The following CNTN3 variants were observed in gnomAD, a reference collection of about 807,000 sequenced individuals.
CNTN3 encodes contactin-3.
A neutral mutation model predicts 119.1 loss-of-function variants in CNTN3; 60 were observed. The ratio of observed to expected loss-of-function variants is 0.50; its 90% CI spans 0.41 to 0.62. The LOEUF (loss-of-function observed/expected upper bound fraction) is 0.62, where lower values mean the gene tolerates loss of function less well. Ranked by LOEUF, CNTN3 falls within the 20% of genes least tolerant of loss-of-function variation. The pLI, the probability that CNTN3 is intolerant of heterozygous loss-of-function variation, is 0.00. For synonymous variants in CNTN3, 450 were observed against 438.7 expected, an observed-to-expected ratio of 1.03 and a Z score of -0.32; for missense variants, 1,101 against 1,242.4, an observed-to-expected ratio of 0.89 and a Z score of 1.71.
chr3:74,356,839 T>G (rs943848593), intron 11 of CNTN3, among the ~76,000 whole-genome samples: 1 of 152,142 alleles, frequency 6.6e-6, no homozygotes, highest in African/African-American at 2.4e-5. Context: ...CTGACTGAGA[T>G]CCACATGATC....
At chr3:74,479,944 A>T (rs900886301) in intron 4 of CNTN3, among the ~76,000 whole-genome samples, 2 of 152,082 alleles carry the variant, frequency 1.3e-5, no homozygotes, top group Non-Finnish European at 2.9e-5. Context: ...CAATAAGTAA[A>T]ATAATGTAAT....
At chr3:74,588,132 C>A (rs1251192299) in intron 1 of CNTN3, among the ~76,000 whole-genome samples, 1 of 151,996 alleles carries the variant, frequency 6.6e-6, no homozygotes, top group Non-Finnish European at 1.5e-5. Context: ...AAGGATGAAG[C>A]CCACTTGACC....
intron 20 of CNTN3, among the ~76,000 whole-genome samples, chr3:74,281,009 T>A (rs972019006): frequency 6.6e-6 from 1 of 152,068 alleles, no homozygotes; most frequent in African/African-American, 2.4e-5. Flanking sequence ...GCTTTCGAGA[T>A]ACAGGAAACA....
chr3:74,457,822 T>C (rs969500761), intron 4 of CNTN3, among the ~76,000 whole-genome samples: 2 of 151,924 alleles, frequency 1.3e-5, no homozygotes, highest in African/African-American at 4.8e-5. Flanking sequence ...ATCTAAGAAA[T>C]TTTAAATGAA....
intron 1 of CNTN3, among the ~76,000 whole-genome samples, chr3:74,596,868 G>A (rs1179180863): frequency 1.3e-5 from 2 of 152,054 alleles, no homozygotes; most frequent in East Asian, 1.9e-4. Context: ...TACTATTTAA[G>A]AGGCAGAGAT....
chr3:74,593,353 T>C (rs1248708796), intron 1 of CNTN3, among the ~76,000 whole-genome samples: 1 of 151,956 alleles, frequency 6.6e-6, no homozygotes, highest in African/African-American at 2.4e-5. Flanking sequence ...CAGCTTCTGG[T>C]ACAAAGGTGA....
At chr3:74,385,018 T>A (rs1368241168) in intron 5 of CNTN3, among the ~76,000 whole-genome samples, 1 of 152,230 alleles carries the variant, frequency 6.6e-6, no homozygotes, top group Non-Finnish European at 1.5e-5. Context: ...AATCACAGGC[T>A]ATTTAGAGTG....
At chr3:74,413,649 A>C (rs1701473547) in intron 5 of CNTN3, among the ~76,000 whole-genome samples, 1 of 152,136 alleles carries the variant, frequency 6.6e-6, no homozygotes, top group Admixed American at 6.6e-5. Context: ...CTTTCGTTTG[A>C]ATTACTTGGC....
chr3:74,281,897 T>C lies in CNTN3; in HGVS notation c.2704+3408A>G, dbSNP rs535816487. ...TTGTGGTGAATGTTGTTTGAGTGTCTGGATCCATTCATACTGAATGTCAGA... is the reference window on the plus strand; with the variant it reads ...TTGTGGTGAATGTTGTTTGAGTGTCCGGATCCATTCATACTGAATGTCAGA... On this transcript the variant is annotated intron_variant, in intron 20 of 22. Coordinates refer to ENST00000263665, the MANE Select transcript of CNTN3 (RefSeq NM_020872.3). Among the ~76,000 whole-genome samples, 33 of 152,358 alleles carry C rather than the reference T, an allele frequency of 2.2e-4. No homozygotes were observed. The South Asian group carries it at 6.2e-3, about 29-fold the overall frequency.
intron 13 of CNTN3, among the ~76,000 whole-genome samples, chr3:74,318,089 C>T (rs1042071464): frequency 6.6e-6 from 1 of 152,178 alleles, no homozygotes; most frequent in Non-Finnish European, 1.5e-5. Context: ...TCATTCATTT[C>T]ATCTTCCATC....
intron 1 of CNTN3, among the ~76,000 whole-genome samples, chr3:74,535,402 T>A (rs1388886585): frequency 6.6e-6 from 1 of 152,074 alleles, no homozygotes; most frequent in Non-Finnish European, 1.5e-5. Flanking sequence ...CCCAAACTCA[T>A]GCAGCAACAA....
chr3:74,353,345 T>C (rs754467331), intron 11 of CNTN3, among the ~76,000 whole-genome samples: 20 of 152,228 alleles, frequency 1.3e-4, no homozygotes, highest in Non-Finnish European at 1.6e-4. Flanking sequence ...ATCACATTAC[T>C]CAGTGCTTCA....
chr3:74,290,612 T>C (rs1344753081), intron 19 of CNTN3, among the ~76,000 whole-genome samples: 1 of 152,258 alleles, frequency 6.6e-6, no homozygotes, highest in East Asian at 1.9e-4. Context: ...CCTGTCATGA[T>C]TTCTGTAAAG....
chr3:74,360,887 G>C (rs576831443), intron 11 of CNTN3, among the ~76,000 whole-genome samples: 1 of 152,126 alleles, frequency 6.6e-6, no homozygotes, highest in East Asian at 1.9e-4. Flanking sequence ...TAAGGGCTCA[G>C]ATGATTACTT....
intron 13 of CNTN3, among the ~76,000 whole-genome samples, chr3:74,321,494 T>C (rs1269927508): frequency 1.3e-5 from 2 of 151,938 alleles, no homozygotes; most frequent in Non-Finnish European, 2.9e-5. Context: ...AGCTTTTTGC[T>C]TCAGAAAACT....
chr3:74,564,465 T>C (rs559695562), intron 1 of CNTN3, among the ~76,000 whole-genome samples: 1 of 151,730 alleles, frequency 6.6e-6, no homozygotes, highest in African/African-American at 2.4e-5. Flanking sequence ...CATGATTAGA[T>C]ATGTGTGTTT....
At chr3:74,452,803 T>C (rs1575740019) in intron 4 of CNTN3, among the ~76,000 whole-genome samples, 4 of 151,996 alleles carry the variant, frequency 2.6e-5, no homozygotes, top group East Asian at 3.9e-4. Context: ...GTTCTGTTTA[T>C]ATGCTGGATT....
At chr3:74,594,899 T>A (rs1704772210) in intron 1 of CNTN3, among the ~76,000 whole-genome samples, 2 of 152,024 alleles carry the variant, frequency 1.3e-5, no homozygotes, top group Non-Finnish European at 2.9e-5. Context: ...TTGAACTAGT[T>A]TACAGTCCCA....
intron 20 of CNTN3, among the ~76,000 whole-genome samples, chr3:74,278,535 T>C (rs1701928415): frequency 6.6e-6 from 1 of 152,156 alleles, no homozygotes; most frequent in African/African-American, 2.4e-5. Flanking sequence ...CAAATGGTGC[T>C]GATATAATTG....
Sources: allele counts gnomAD v4.1 joint callset (sites outside exome capture counted in the v4.1 genomes callset), GRCh38; gene constraint gnomAD v4.1.1; transcripts MANE v1.5; gene names NCBI Gene and HGNC (gene_info 2026-07-23, HGNC 2026-07-21).